The following ORC3 variants were observed in gnomAD, a reference collection of about 807,000 sequenced individuals.
ORC3 encodes origin recognition complex subunit 3, also known as homolog of latheo, Drosophila.
ORC3 carries 78 observed loss-of-function variants against 100.7 expected under a neutral mutation model. The ratio of observed to expected loss-of-function variants is 0.77; its 90% CI spans 0.65 to 0.94. The LOEUF (loss-of-function observed/expected upper bound fraction) is 0.94. ORC3 is among the 40% of genes least tolerant of loss of function. The probability of loss-of-function intolerance (pLI) is 0.00; values close to 1 mark genes in which losing one functional copy is unlikely to be tolerated. For synonymous variants in ORC3, 295 were observed against 289.3 expected (o/e 1.02, Z -0.20); for missense variants, 789 against 823.9 (o/e 0.96, Z 0.52).
chr6:87,674,641 T>C, the ORC3 span, among the ~76,000 whole-genome samples: 1 of 142,762 alleles, frequency 7.0e-6, no homozygotes, highest in Non-Finnish European at 1.5e-5. Flanking sequence ...TATATATATA[T>C]ATTTTTTTTT....
At chr6:87,616,235 C>T (rs1779143184) in intron 8 of ORC3, 79 bp from the exon 9 acceptor site, 1 of 537,070 alleles carries the variant, frequency 1.9e-6, no homozygotes, top group South Asian at 2.9e-5. Context: ...TCATTCTTTG[C>T]CTCATTATTA....
intron 17 of ORC3, 108 bp downstream of exon 17, chr6:87,663,252 A>G (rs1770343257): frequency 2.4e-6 from 2 of 821,686 alleles, no homozygotes; most frequent in Non-Finnish European, 3.7e-6. Context: ...AGAGTCGGCA[A>G]TTCAGGGTTG....
At chr6:87,620,159 G>A (rs922313515) in intron 9 of ORC3, among the ~76,000 whole-genome samples, 1 of 152,140 alleles carries the variant, frequency 6.6e-6, no homozygotes, top group African/African-American at 2.4e-5. Flanking sequence ...AACTTCTGTG[G>A]CTTCCTCCCA....
chr6:87,617,925 C>A (rs759441358), intron 9 of ORC3, among the ~76,000 whole-genome samples: 1 of 152,108 alleles, frequency 6.6e-6, no homozygotes, highest in Admixed American at 6.5e-5. Context: ...TTCCTCCCAA[C>A]TTTGACTTTT....
At chr6:87,618,698 G>A (rs1475033307) in intron 9 of ORC3, among the ~76,000 whole-genome samples, 1 of 151,870 alleles carries the variant, frequency 6.6e-6, no homozygotes, top group Non-Finnish European at 1.5e-5. Context: ...AGTGGAACTG[G>A]AGAGGAGGAA....
chr6:87,628,308 C>T (rs1407325355), intron 11 of ORC3, among the ~76,000 whole-genome samples: 1 of 152,118 alleles, frequency 6.6e-6, no homozygotes, highest in Non-Finnish European at 1.5e-5. Flanking sequence ...GCACGTCCTG[C>T]ACATGTATCC....
intron 15 of ORC3, among the ~76,000 whole-genome samples, chr6:87,657,248 C>A (rs1769784570): frequency 6.6e-6 from 1 of 152,126 alleles, no homozygotes; most frequent in Non-Finnish European, 1.5e-5. Context: ...AATCAGCTAG[C>A]AATAAGAGAA....
chr6:87,590,861 GA>G, intron 1 of ORC3, among the ~76,000 whole-genome samples: 1 of 152,302 alleles, frequency 6.6e-6, no homozygotes, highest in Non-Finnish European at 1.5e-5. Context: ...GGAGCGTCAT[GA>G]AAAATGAGAA....
downstream of ORC3, among the ~76,000 whole-genome samples, chr6:87,669,805 TTAAGG>T (rs1209532582): frequency 6.6e-6 from 1 of 152,216 alleles, no homozygotes; most frequent in Admixed American, 6.5e-5. Flanking sequence ...TTCCATCTAT[TTAAGG>T]TAAGGAAGTT....
At position 87,601,810 on chromosome 6, in the gene ORC3, G is replaced by A. The variant is rs1265721268; in HGVS notation, c.106G>A (p.Glu36Lys). ...IEDYFNKGKN[E>K]PEDSKLRFET... is the part of the protein sequence containing the mutation. ...GGACTATTTTAACAAAGGGAAAAAT[G>A]AGCCTGAGGACAGTAAGCTTCGATT... The change falls in exon 3 of 20, where the codon GAG becomes AAG. Residue 36 changes from glutamate (E) to lysine (K), a missense_variant. This residue lies in a region of ORC3 where 399 missense variants were observed against 382.0 expected (regional missense o/e 1.04). Transcript: ENST00000392844. 1 of 1,608,834 alleles carries A rather than the reference G, an allele frequency of 6.2e-7. No homozygotes were observed. The highest frequency in any genetic ancestry group is 1.1e-5 in the South Asian group (1 of 90,910).
At chr6:87,670,895 G>A (rs1377426386), downstream of ORC3, among the ~76,000 whole-genome samples, 1 of 152,170 alleles carries the variant, frequency 6.6e-6, no homozygotes, top group Non-Finnish European at 1.5e-5. Context: ...TTGAGATGAC[G>A]TTTGTGCAAA....
intron 9 of ORC3, among the ~76,000 whole-genome samples, chr6:87,619,750 A>C (rs1198086074): frequency 6.6e-6 from 1 of 152,212 alleles, no homozygotes; most frequent in Non-Finnish European, 1.5e-5. Flanking sequence ...TTGCACATGA[A>C]GAAATTAAGA....
At chr6:87,653,350 T>C (rs1583153820) in intron 14 of ORC3, 101 bp downstream of exon 14, 2 of 1,093,594 alleles carry the variant, frequency 1.8e-6, no homozygotes, top group East Asian at 2.4e-5. Flanking sequence ...GATAAAGAGA[T>C]AAAGTAGTTC....
intron 13 of ORC3, chr6:87,651,520 T>C (rs1484462195): frequency 3.6e-6 from 1 of 279,614 alleles, no homozygotes; most frequent in Admixed American, 4.1e-5. Context: ...TGTCTTGGCT[T>C]ATTTTTCCTT....
intron 19 of ORC3, 44 bp from the exon 20 acceptor site, chr6:87,666,974 G>T: frequency 1.6e-6 from 2 of 1,215,394 alleles, no homozygotes; most frequent in Non-Finnish European, 2.4e-6. Context: ...ATCCCTTTTT[G>T]TCAAAAATAC....
At chr6:87,672,461 G>C in the ORC3 span, among the ~76,000 whole-genome samples, 475 of 152,272 alleles carry the variant, frequency 3.1e-3, 3 homozygotes, top group Admixed American at 5.8e-3. Flanking sequence ...TCCTTACCTG[G>C]GGCAAATGCA....
chr6:87,607,592 A>T, intron 5 of ORC3, 81 bp from the exon 6 acceptor site: 1 of 1,140,150 alleles, frequency 8.8e-7, no homozygotes, highest in Non-Finnish European at 1.2e-6. Context: ...AAAGTAATAC[A>T]CTCAGCAAGA....
intron 11 of ORC3, among the ~76,000 whole-genome samples, chr6:87,632,510 G>C (rs1767504511): frequency 6.6e-6 from 1 of 152,060 alleles, no homozygotes; most frequent in South Asian, 2.1e-4. Flanking sequence ...TTCCTCAGTT[G>C]AGCACCAGAT....
At chr6:87,663,591 A>G (rs1398118348) in intron 17 of ORC3, among the ~76,000 whole-genome samples, 1 of 152,262 alleles carries the variant, frequency 6.6e-6, no homozygotes, top group African/African-American at 2.4e-5. Context: ...AAACAAAGAA[A>G]GGTCTATTCT....
Sources: gnomAD v4.1 joint callset for allele counts (sites outside exome capture counted in the v4.1 genomes callset) on GRCh38, gnomAD v4.1.1 for gene constraint, gnomAD v4.1.1 regional missense constraint, MANE v1.5 for transcripts, NCBI Gene and HGNC (gene_info 2026-07-23, HGNC 2026-07-21) for gene names.